FTO: variants seen among roughly 807,000 people sequenced by gnomAD.
FTO encodes the protein alpha-ketoglutarate-dependent dioxygenase FTO.
In FTO, 47 loss-of-function variants were observed where a neutral mutation model predicts 63.9. The ratio of observed to expected loss-of-function variants is 0.74; its 90% CI spans 0.58 to 0.94. The LOEUF (loss-of-function observed/expected upper bound fraction) is 0.94, where lower values mean the gene tolerates loss of function less well. Ranked by LOEUF, FTO falls within the 40% of genes least tolerant of loss-of-function variation. The pLI is 0.00. For synonymous variants in FTO, 207 were observed against 224.4 expected (o/e 0.92, Z 0.69); for missense variants, 562 against 618.1 (o/e 0.91, Z 0.96).
chr16:53,807,926 T>A (rs2078414014), intron 1 of FTO, among the ~76,000 whole-genome samples: 1 of 152,164 alleles, frequency 6.6e-6, no homozygotes, highest in Admixed American at 6.6e-5. Context: ...AATAGATAAA[T>A]CAATTAACCA....
At chr16:53,714,823 G>T (rs574755964) in intron 1 of FTO, among the ~76,000 whole-genome samples, 5 of 152,202 alleles carry the variant, frequency 3.3e-5, no homozygotes, top group Middle Eastern at 3.4e-3. Context: ...AGACTGCAAG[G>T]GAGGAAAGGA....
intron 3 of FTO, among the ~76,000 whole-genome samples, chr16:53,835,606 TC>T (rs2079267206): frequency 6.6e-6 from 1 of 152,164 alleles, no homozygotes; most frequent in South Asian, 2.1e-4. Flanking sequence ...TTTTGTTGGA[TC>T]TTTTTTTGAA....
At chr16:53,946,114 A>T (rs2082645473) in intron 8 of FTO, among the ~76,000 whole-genome samples, 1 of 152,184 alleles carries the variant, frequency 6.6e-6, no homozygotes, top group African/African-American at 2.4e-5. Flanking sequence ...ACTGGCCTGT[A>T]GGGGACACTG....
chr16:54,088,477 A>T (rs1334989006), intron 8 of FTO, among the ~76,000 whole-genome samples: 10 of 152,216 alleles, frequency 6.6e-5, no homozygotes, highest in African/African-American at 2.4e-4. Context: ...TTTTGCAAGT[A>T]CAGTTTTCTT....
intron 7 of FTO, among the ~76,000 whole-genome samples, chr16:53,906,217 A>G (rs2081535794): frequency 1.3e-5 from 2 of 152,216 alleles, no homozygotes; most frequent in Non-Finnish European, 2.9e-5. Context: ...CTCCAGAGAT[A>G]CAGATTTAAT....
intron 8 of FTO, among the ~76,000 whole-genome samples, chr16:53,964,820 T>C (rs1599103598): frequency 6.6e-6 from 1 of 152,244 alleles, no homozygotes; most frequent in Non-Finnish European, 1.5e-5. Flanking sequence ...TCTTGTCTTA[T>C]AGCCTTATAT....
intron 8 of FTO, among the ~76,000 whole-genome samples, chr16:54,049,534 G>C (rs896494527): frequency 1.3e-5 from 2 of 152,070 alleles, no homozygotes; most frequent in East Asian, 3.8e-4. Flanking sequence ...AAAGTGGTGA[G>C]GGGGGGAAAT....
intron 4 of FTO, among the ~76,000 whole-genome samples, chr16:53,860,504 A>G (rs1347092505): frequency 3.3e-5 from 5 of 152,238 alleles, no homozygotes; most frequent in African/African-American, 1.2e-4. Context: ...TTCAGGAAGT[A>G]GGACGCTGGC....
At chr16:53,844,332 T>A in intron 4 of FTO, 34 bp downstream of exon 4, 1 of 1,519,298 alleles carries the variant, frequency 6.6e-7, no homozygotes. Context: ...ATATTGAAAC[T>A]CTAGTGTCTA....
At chr16:54,084,383 G>A (rs1462697247) in intron 8 of FTO, among the ~76,000 whole-genome samples, 2 of 152,300 alleles carry the variant, frequency 1.3e-5, no homozygotes, top group East Asian at 1.9e-4. Context: ...ATATTTGGGG[G>A]CTGGCCTACG....
intron 1 of FTO, among the ~76,000 whole-genome samples, chr16:53,752,454 C>T (rs558494256): frequency 6.6e-6 from 1 of 152,242 alleles, no homozygotes; most frequent in East Asian, 1.9e-4. Flanking sequence ...TATAGCCATC[C>T]AGTCACGTAA....
chr16:53,741,988 C>T (rs1234486945), intron 1 of FTO, among the ~76,000 whole-genome samples: 1 of 152,126 alleles, frequency 6.6e-6, no homozygotes, highest in Non-Finnish European at 1.5e-5. Context: ...ACGTTTCTGT[C>T]TCCATAGGGC....
intron 1 of FTO, among the ~76,000 whole-genome samples, chr16:53,756,555 C>T (rs902219924): frequency 1.3e-5 from 2 of 152,320 alleles, no homozygotes; most frequent in Middle Eastern, 6.8e-3. Flanking sequence ...ACATGTACTA[C>T]AATAGCTATA....
At chr16:53,997,668 G>A (rs1192210951) in intron 8 of FTO, among the ~76,000 whole-genome samples, 2 of 149,804 alleles carry the variant, frequency 1.3e-5, no homozygotes, top group East Asian at 3.9e-4. Flanking sequence ...TTCAGAAACT[G>A]TCCTTCTTAA....
chr16:53,879,719 A>G, intron 5 of FTO, 125 bp from the exon 6 acceptor site: 1 of 872,688 alleles, frequency 1.1e-6, no homozygotes, highest in Non-Finnish European at 1.9e-6. Context: ...AAAAAGGAGT[A>G]TAGACTGAGC....
intron 8 of FTO, among the ~76,000 whole-genome samples, chr16:54,029,338 G>T (rs373622056): frequency 9.9e-5 from 15 of 152,210 alleles, no homozygotes; most frequent in Admixed American, 2.0e-4. Flanking sequence ...TATGTAAGGC[G>T]TTCCAGGCAG....
rs112822568 is a variant in FTO at position 53,847,726 on chromosome 16, C to T, written c.895+3428C>T. 4.0e-5 allele frequency among the ~76,000 whole-genome samples: 6 copies of T among 151,776 alleles called. 1 individual carries two copies. The highest frequency in any genetic ancestry group is 1.5e-4 in the African/African-American group (6 of 41,362). On this transcript the variant is annotated intron_variant, in intron 4 of 8. Coordinates refer to ENST00000471389, the MANE Select transcript of FTO (RefSeq NM_001080432.3). ...GAGGTTGCAATGAGCCGAGATCACG[C>T]CATTGCACTCCAGTCTGGGCAAGAA...
At chr16:53,835,912 T>A (rs2079276975) in intron 3 of FTO, among the ~76,000 whole-genome samples, 1 of 142,016 alleles carries the variant, frequency 7.0e-6, no homozygotes, top group Non-Finnish European at 1.5e-5. Context: ...TTTTTTGAGA[T>A]GGAGTTTTGC....
At chr16:53,969,936 G>A (rs2083279156) in intron 8 of FTO, among the ~76,000 whole-genome samples, 1 of 152,150 alleles carries the variant, frequency 6.6e-6, no homozygotes, top group South Asian at 2.1e-4. Context: ...TGCTAAGCAC[G>A]GAGGAGGAGG....
Sources: allele counts gnomAD v4.1 joint callset (sites outside exome capture counted in the v4.1 genomes callset), GRCh38; gene constraint gnomAD v4.1.1; transcripts MANE v1.5; gene names NCBI Gene and HGNC (gene_info 2026-07-23, HGNC 2026-07-21).